OPCML: variants seen among roughly 807,000 people sequenced by gnomAD.
OPCML encodes the protein opioid binding protein/cell adhesion molecule like.
A neutral mutation model predicts 37.8 loss-of-function variants in OPCML; 13 were observed. The ratio of observed to expected loss-of-function variants is 0.34; its 90% confidence interval spans 0.22 to 0.55. The LOEUF is 0.55. Among genes scored for constraint, OPCML ranks in the 20% least tolerant of loss-of-function variants. The pLI is 0.91. For synonymous variants in OPCML, 176 were observed against 168.8 expected (o/e 1.04, Z -0.33); for missense variants, 341 against 435.6 (o/e 0.78, Z 1.93).
intron 1 of OPCML, among the ~76,000 whole-genome samples, chr11:132,956,616 C>T (rs141948076): frequency 6.6e-6 from 1 of 152,244 alleles, no homozygotes; most frequent in East Asian, 1.9e-4. Flanking sequence ...TTCTGCTGGG[C>T]TGTATGCATC....
chr11:133,215,387 T>G lies in OPCML; in HGVS notation c.62-272377A>C, dbSNP rs940705607. On this transcript the variant is annotated intron_variant, in intron 1 of 7. Coordinates refer to ENST00000524381, the MANE Select transcript of OPCML (RefSeq NM_001012393.5). ...CTGCTTATGTTGTTGCCACCTATTC[T>G]TATTCATTCCTTGCCCTCTCGGGCA... is the stretch of plus-strand genomic sequence containing the variant. 1.8e-4 allele frequency among the ~76,000 whole-genome samples: 28 copies of G among 152,348 alleles called. No homozygotes were observed. In the Middle Eastern group the frequency reaches 0.01, roughly 56 times the overall value.
At chr11:132,727,616 A>G (rs1386797237) in intron 2 of OPCML, among the ~76,000 whole-genome samples, 1 of 152,172 alleles carries the variant, frequency 6.6e-6, no homozygotes, top group East Asian at 1.9e-4. Context: ...TTAAAAACAT[A>G]CTGACATCGA....
At chr11:133,171,941 T>A (rs1395975895) in intron 1 of OPCML, among the ~76,000 whole-genome samples, 1 of 152,164 alleles carries the variant, frequency 6.6e-6, no homozygotes, top group African/African-American at 2.4e-5. Flanking sequence ...ATTGGAAAAT[T>A]CATGGAATTG....
intron 4 of OPCML, among the ~76,000 whole-genome samples, chr11:132,486,876 TG>T (rs938866677): frequency 1.3e-5 from 2 of 152,140 alleles, no homozygotes; most frequent in Non-Finnish European, 2.9e-5. Flanking sequence ...AAAATTTGGG[TG>T]GTAACTCATT....
At chr11:132,744,986 G>C (rs574505184) in intron 2 of OPCML, among the ~76,000 whole-genome samples, 11 of 152,122 alleles carry the variant, frequency 7.2e-5, no homozygotes, top group Non-Finnish European at 1.6e-4. Flanking sequence ...GGATATAGCA[G>C]AGCAGGCAGC....
At chr11:133,111,832 A>G (rs1340626576) in intron 1 of OPCML, among the ~76,000 whole-genome samples, 1 of 152,158 alleles carries the variant, frequency 6.6e-6, no homozygotes, top group Non-Finnish European at 1.5e-5. Context: ...CTGAGATTTG[A>G]TTAGATTTCC....
intron 1 of OPCML, among the ~76,000 whole-genome samples, chr11:133,241,828 A>G (rs1940742572): frequency 6.6e-6 from 1 of 152,208 alleles, no homozygotes; most frequent in Non-Finnish European, 1.5e-5. Context: ...GCCCACTGCC[A>G]ACAACTTCCA....
chr11:132,854,929 G>A (rs930285260), intron 2 of OPCML, among the ~76,000 whole-genome samples: 2 of 152,180 alleles, frequency 1.3e-5, no homozygotes, highest in Non-Finnish European at 2.9e-5. Context: ...CCTAGGTGTA[G>A]GCCAAGCTAA....
intron 1 of OPCML, chr11:133,361,608 C>CCGGGGCGCCTGCAGCTAT (rs1944422594): frequency 1.3e-5 from 2 of 158,482 alleles, no homozygotes; most frequent in African/African-American, 5.3e-5. Context: ...CCTGCAGCTA[C>CCGGGGCGCCTGCAGCTAT]TCCGGGGCAC....
intron 1 of OPCML, among the ~76,000 whole-genome samples, chr11:133,293,898 ACACACAC>A (rs1433654796): frequency 0.013 from 1,800 of 142,998 alleles, 29 homozygotes; most frequent in African/African-American, 0.036. Context: ...AAGACTTCAC[ACACACAC>A]ACACACACAC....
chr11:133,292,967 A>G (rs998511479), intron 1 of OPCML, among the ~76,000 whole-genome samples: 3 of 152,192 alleles, frequency 2.0e-5, no homozygotes, highest in African/African-American at 7.2e-5. Flanking sequence ...AAAGAGAGGA[A>G]GAAGGGCTGC....
At chr11:133,240,578 C>A (rs1208806107) in intron 1 of OPCML, among the ~76,000 whole-genome samples, 3 of 152,234 alleles carry the variant, frequency 2.0e-5, no homozygotes, top group African/African-American at 7.2e-5. Flanking sequence ...AAAACCCCAA[C>A]ACTCCAACAT....
intron 1 of OPCML, among the ~76,000 whole-genome samples, chr11:133,292,007 C>T (rs184214439): frequency 6.6e-6 from 1 of 152,266 alleles, no homozygotes; most frequent in Non-Finnish European, 1.5e-5. Context: ...ATTTATTAGG[C>T]CCGTCCTGGA....
At chr11:132,651,652 G>A (rs1941432355) in intron 3 of OPCML, among the ~76,000 whole-genome samples, 1 of 152,162 alleles carries the variant, frequency 6.6e-6, no homozygotes, top group African/African-American at 2.4e-5. Context: ...GCTGAGGTTG[G>A]TTGGTGATCA....
intron 2 of OPCML, among the ~76,000 whole-genome samples, chr11:132,879,063 T>C (rs1943130465): frequency 6.6e-6 from 1 of 152,354 alleles, no homozygotes; most frequent in African/African-American, 2.4e-5. Context: ...CTGTTTCACA[T>C]GGCTCAGTGG....
At chr11:133,486,671 C>T (rs972269274) in intron 1 of OPCML, among the ~76,000 whole-genome samples, 6 of 152,120 alleles carry the variant, frequency 3.9e-5, no homozygotes, top group Non-Finnish European at 8.8e-5. Flanking sequence ...CAAATATCTA[C>T]ACTAGCACAC....
intron 3 of OPCML, among the ~76,000 whole-genome samples, chr11:132,550,216 G>T (rs541434785): frequency 1.3e-5 from 2 of 152,280 alleles, no homozygotes; most frequent in Admixed American, 1.3e-4. Context: ...TGACATTAAG[G>T]GGGTGATAAT....
At chr11:132,498,100 T>C (rs564547972) in intron 4 of OPCML, among the ~76,000 whole-genome samples, 10 of 152,326 alleles carry the variant, frequency 6.6e-5, no homozygotes, top group Non-Finnish European at 1.5e-4. Flanking sequence ...AGATTTTAAC[T>C]CTTGACTGCA....
At chr11:132,821,864 G>C (rs898688422) in intron 2 of OPCML, among the ~76,000 whole-genome samples, 6 of 152,048 alleles carry the variant, frequency 3.9e-5, no homozygotes, top group African/African-American at 1.4e-4. Flanking sequence ...CACTCGGTTG[G>C]ATTCAATCTC....
Sources: allele counts gnomAD v4.1 joint callset (sites outside exome capture counted in the v4.1 genomes callset), GRCh38; gene constraint gnomAD v4.1.1; transcripts MANE v1.5; gene names NCBI Gene and HGNC (gene_info 2026-07-23, HGNC 2026-07-21).